The following CRACR2A variants were observed in gnomAD, a reference collection of about 807,000 sequenced individuals.
CRACR2A encodes the protein calcium release activated channel regulator 2A.
A neutral mutation model predicts 90.5 loss-of-function variants in CRACR2A; 79 were observed. That is an observed-to-expected ratio of 0.87 (90% CI 0.73 to 1.05). The LOEUF is 1.05. CRACR2A is among the 50% of genes least tolerant of loss of function. The pLI is 0.00. For missense variants in CRACR2A, 823 were observed against 897.2 expected (o/e 0.92, Z 1.06); for synonymous variants, 338 against 356.7 (o/e 0.95, Z 0.59).
Position 3,633,682 on chromosome 12 carries a change from T to C in CRACR2A, c.1657A>G (p.Asn553Asp), listed in dbSNP as rs994399405. The C allele has an allele frequency of 1.3e-6, 2 of 1,551,718 alleles. No individual in the cohort carries two copies. The highest frequency in any genetic ancestry group is 1.7e-6 in the Non-Finnish European group (2 of 1,147,000). The change falls in exon 15 of 20, where the codon AAT (asparagine) becomes GAT (aspartate). Residue 553 changes from asparagine (N) to aspartate (D), a missense_variant. Coordinates refer to ENST00000440314, the MANE Select transcript of CRACR2A (RefSeq NM_001144958.2). The surrounding 1 kb of genome is among the most constrained non-coding windows in gnomAD (Gnocchi z 4.5). ...AAGGATGTCTTCCCCACCGCGGAATTGCCCACGAACACAATCTTGAAGAGC... is the reference window on the plus strand; with the variant it reads ...AAGGATGTCTTCCCCACCGCGGAATCGCCCACGAACACAATCTTGAAGAGC... The part of the protein sequence containing the change: ...DRLFKIVFVG[N>D]SAVGKTSFLR...
intron 7 of CRACR2A, among the ~76,000 whole-genome samples, chr12:3,666,364 TGCGCGTGCGCGCGC>T (rs1945148199): frequency 6.7e-6 from 1 of 149,498 alleles, no homozygotes; most frequent in South Asian, 2.1e-4. Context: ...TGCGTGCGTG[TGCGCGTGCGCGCGC>T]ACGCGCGCAC....
intron 1 of CRACR2A, among the ~76,000 whole-genome samples, chr12:3,752,080 C>T (rs1946714851): frequency 1.3e-5 from 2 of 152,210 alleles, no homozygotes; most frequent in Admixed American, 1.3e-4. Flanking sequence ...AACCCATCAC[C>T]TCATGAGTTA....
chr12:3,749,768 T>TTTG (rs1015006311), intron 1 of CRACR2A, among the ~76,000 whole-genome samples: 7 of 151,460 alleles, frequency 4.6e-5, no homozygotes, highest in East Asian at 1.9e-4. Flanking sequence ...TGTGCTGGTT[T>TTTG]TTGTTGTTGT....
At chr12:3,695,144 A>C (rs1265986727) in intron 4 of CRACR2A, among the ~76,000 whole-genome samples, 3 of 152,220 alleles carry the variant, frequency 2.0e-5, no homozygotes, top group Admixed American at 6.5e-5. Flanking sequence ...CTTGTGGCCC[A>C]GAGTTGACCT....
At chr12:3,745,134 T>C (rs1302061759) in intron 1 of CRACR2A, among the ~76,000 whole-genome samples, 2 of 152,136 alleles carry the variant, frequency 1.3e-5, no homozygotes, top group African/African-American at 4.8e-5. Flanking sequence ...CCAAAGGCCC[T>C]GTGAGTCAAG....
intron 17 of CRACR2A, among the ~76,000 whole-genome samples, chr12:3,624,104 C>T (rs770781121): frequency 1.2e-4 from 18 of 152,184 alleles, no homozygotes; most frequent in Non-Finnish European, 2.1e-4. Context: ...CTACCTCCCC[C>T]GAGCATCTGT....
chr12:3,723,506 C>G (rs534110239), intron 2 of CRACR2A, among the ~76,000 whole-genome samples: 1 of 152,062 alleles, frequency 6.6e-6, no homozygotes, highest in Admixed American at 6.6e-5. Flanking sequence ...CAACTGGAAA[C>G]GTTTTCACAC....
intron 3 of CRACR2A, among the ~76,000 whole-genome samples, chr12:3,707,829 G>A (rs775190063): frequency 2.6e-5 from 4 of 152,086 alleles, no homozygotes; most frequent in Admixed American, 1.3e-4. Context: ...CTTTCTTATC[G>A]TTGTCTATAC....
Position 3,720,073 on chromosome 12 carries a change from C to A in CRACR2A, c.-117-6756G>T, listed in dbSNP as rs546456386. ...GGCAGAAGTTGCAGTGAGCTGAGAT[C>A]GTGCCATTGCAATGCAGTCTAGGCA... On this transcript the variant is annotated intron_variant, in intron 2 of 19. Coordinates refer to ENST00000440314, the MANE Select transcript of CRACR2A (RefSeq NM_001144958.2). 2.0e-5 allele frequency among the ~76,000 whole-genome samples: 3 copies of A among 150,836 alleles called. 1 individual carries two copies. The South Asian group carries it at 6.3e-4, about 32-fold the overall frequency.
In CRACR2A at chr12:3,633,583, A is replaced by AC; in HGVS notation, c.1735+20dup. 6.4e-6 allele frequency: 10 copies of AC among 1,551,478 alleles called. No homozygotes were observed. The highest frequency in any genetic ancestry group is 8.7e-6 in the Non-Finnish European group (10 of 1,146,908). On this transcript the variant is annotated intron_variant, in intron 15 of 19. Coordinates refer to ENST00000440314, the MANE Select transcript of CRACR2A (RefSeq NM_001144958.2). This position sits in a 1 kb window ranked among gnomAD's most constrained non-coding sequence, Gnocchi z 4.5. ...CTTCCCAAAGATGGGCCTAGGACCCACCTCAGGGATGAGAACTCACCCACA... is the reference window on the plus strand; with the variant it reads ...CTTCCCAAAGATGGGCCTAGGACCCACCCTCAGGGATGAGAACTCACCCACA...
intron 19 of CRACR2A, among the ~76,000 whole-genome samples, chr12:3,615,718 C>T (rs73045251): frequency 0.063 from 9,635 of 152,328 alleles, 357 homozygotes; most frequent in Middle Eastern, 0.12. Flanking sequence ...GTGCCCCTGA[C>T]AGCATCTGAC....
chr12:3,621,999 C>T (rs1179893794), intron 17 of CRACR2A, among the ~76,000 whole-genome samples: 1 of 152,176 alleles, frequency 6.6e-6, no homozygotes, highest in Non-Finnish European at 1.5e-5. Context: ...GGGAGAGGAG[C>T]TGGTATTGGG....
chr12:3,718,969 G>A (rs1027163951), intron 2 of CRACR2A, among the ~76,000 whole-genome samples: 3 of 152,190 alleles, frequency 2.0e-5, no homozygotes, highest in African/African-American at 7.2e-5. Flanking sequence ...TTGAAAGTAG[G>A]AATAACACAG....
At chr12:3,708,459 C>T (rs1945961321) in intron 3 of CRACR2A, among the ~76,000 whole-genome samples, 1 of 152,206 alleles carries the variant, frequency 6.6e-6, no homozygotes, top group Non-Finnish European at 1.5e-5. Flanking sequence ...GAGTCTCACT[C>T]AGTCGCCCAG....
chr12:3,671,884 A>C (rs905826937), intron 7 of CRACR2A, among the ~76,000 whole-genome samples: 2 of 152,254 alleles, frequency 1.3e-5, no homozygotes, highest in Non-Finnish European at 2.9e-5. Context: ...CCTATCTTAC[A>C]GATAAGGAAG....
At chr12:3,712,096 A>C (rs1783448296) in intron 3 of CRACR2A, among the ~76,000 whole-genome samples, 1 of 152,126 alleles carries the variant, frequency 6.6e-6, no homozygotes, top group Admixed American at 6.6e-5. Flanking sequence ...TGCCTTCCCT[A>C]TTCTCATCCT....
At chr12:3,674,642 T>A (rs1169211389) in intron 6 of CRACR2A, among the ~76,000 whole-genome samples, 4 of 152,236 alleles carry the variant, frequency 2.6e-5, no homozygotes, top group African/African-American at 4.8e-5. Context: ...TTTCACAGGC[T>A]AGTTTATTAT....
intron 3 of CRACR2A, among the ~76,000 whole-genome samples, chr12:3,698,847 A>T (rs1383807157): frequency 1.3e-5 from 2 of 152,168 alleles, no homozygotes; most frequent in Admixed American, 6.5e-5. Flanking sequence ...GATGGTGGTA[A>T]CGTGAGCTTC....
chr12:3,750,290 A>G (rs1340219493), intron 1 of CRACR2A, among the ~76,000 whole-genome samples: 1 of 152,166 alleles, frequency 6.6e-6, no homozygotes, highest in African/African-American at 2.4e-5. Context: ...AGCGGCCTCC[A>G]TGTGTGTCAG....
Sources: allele counts gnomAD v4.1 joint callset (sites outside exome capture counted in the v4.1 genomes callset), GRCh38; gene constraint gnomAD v4.1.1; non-coding constraint Gnocchi (gnomAD v3.1); transcripts MANE v1.5; gene names NCBI Gene and HGNC (gene_info 2026-07-23, HGNC 2026-07-21).